The following HPD variants were observed in gnomAD, a reference collection of about 807,000 sequenced individuals.
HPD encodes 4-hydroxyphenylpyruvic acid oxidase.
HPD carries 35 observed loss-of-function variants against 56.9 expected under a neutral mutation model. The ratio of observed to expected loss-of-function variants is 0.62; its 90% CI spans 0.47 to 0.82. The LOEUF (loss-of-function observed/expected upper bound fraction) is 0.82, where lower values mean the gene tolerates loss of function less well. Among genes scored for constraint, HPD ranks in the 40% least tolerant of loss-of-function variants. The probability of loss-of-function intolerance (pLI) is 0.00; values close to 1 mark genes in which losing one functional copy is unlikely to be tolerated. For synonymous variants in HPD, 186 were observed against 200.2 expected, an observed-to-expected ratio of 0.93 and a Z score of 0.60; for missense variants, 442 against 506.8, an observed-to-expected ratio of 0.87 and a Z score of 1.23.
upstream of HPD, among the ~76,000 whole-genome samples, chr12:121,866,026 C>T (rs143656354): frequency 1.6e-4 from 24 of 149,926 alleles, no homozygotes; most frequent in African/African-American, 5.9e-4. Context: ...GGTGGGGCGC[C>T]GTGGCTCACG....
At chr12:121,876,951 G>A in the HPD span, among the ~76,000 whole-genome samples, 2 of 151,820 alleles carry the variant, frequency 1.3e-5, no homozygotes, top group Non-Finnish European at 2.9e-5. Context: ...AAAATTAGCC[G>A]GGCATGGTGG....
chr12:121,885,574 TCTAAGGG>T, the HPD span, among the ~76,000 whole-genome samples: 3 of 152,104 alleles, frequency 2.0e-5, no homozygotes, highest in South Asian at 6.2e-4. Context: ...GGGTACTTTT[TCTAAGGG>T]CACTGTCTTA....
chr12:121,851,021 G>A (rs1456509804), intron 7 of HPD, among the ~76,000 whole-genome samples: 1 of 151,474 alleles, frequency 6.6e-6, no homozygotes, highest in East Asian at 2.0e-4. Context: ...GCACCACCAC[G>A]TCCAGCCAAT....
At position 121,839,694 on chromosome 12, in the gene HPD, T is replaced by A. The variant is rs916535161; in HGVS notation, c.*34A>T. 12 of 1,433,156 alleles carry A rather than the reference T, an allele frequency of 8.4e-6. No homozygotes were observed. In the African/African-American group the frequency reaches 1.5e-4, roughly 18 times the overall value. The allele number at this position is 1,433,156 out of a possible 1,614,324, so 88.8% of individuals were successfully genotyped here. A position where few individuals can be genotyped will look rare whatever the true frequency, so the allele number is the denominator to read the frequency against. Reference sequence around the variant, plus strand: ...GAGTTCCAGAATCAGGGGGCGTGGCTGTGTGGCTGTGGCCTCCGTGGGGTG... The same window carrying A: ...GAGTTCCAGAATCAGGGGGCGTGGCAGTGTGGCTGTGGCCTCCGTGGGGTG... On this transcript the variant is annotated 3_prime_UTR_variant, in exon 14 of 14. Transcript: ENST00000289004.
chr12:121,874,513 G>A, the HPD span, among the ~76,000 whole-genome samples: 18 of 151,928 alleles, frequency 1.2e-4, no homozygotes, highest in Admixed American at 2.6e-4. Context: ...AGCTACTTGG[G>A]AGGCTGAGGC....
chr12:121,855,412 G>T (rs959652917), intron 6 of HPD, among the ~76,000 whole-genome samples: 1 of 152,120 alleles, frequency 6.6e-6, no homozygotes, highest in African/African-American at 2.4e-5. Context: ...GTTTAGAGTT[G>T]TGCTCAAGAA....
chr12:121,854,806 G>A lies in HPD; in HGVS notation c.325-14C>T. Reference sequence around the variant, plus strand: ...TTCCCGTGCTTTCTGCAGAGAAGATGGGATCGGGGAATTGGTGAGGGCTGG... The same window carrying A: ...TTCCCGTGCTTTCTGCAGAGAAGATAGGATCGGGGAATTGGTGAGGGCTGG... On this transcript the variant is annotated splice_polypyrimidine_tract_variant and intron_variant, in intron 6 of 13. Coordinates refer to ENST00000289004, the MANE Select transcript of HPD (RefSeq NM_002150.3). The A allele has an allele frequency of 2.5e-6, 4 of 1,604,146 alleles. No individual in the cohort carries two copies. The highest frequency in any genetic ancestry group is 3.4e-6 in the Non-Finnish European group (4 of 1,171,046).
the HPD span, among the ~76,000 whole-genome samples, chr12:121,875,661 A>C: frequency 2.6e-5 from 4 of 152,128 alleles, no homozygotes; most frequent in African/African-American, 9.6e-5. Flanking sequence ...CTTGGGCTCA[A>C]GTACACTGCC....
At chr12:121,872,495 C>T in the HPD span, among the ~76,000 whole-genome samples, 3 of 151,862 alleles carry the variant, frequency 2.0e-5, no homozygotes, top group Non-Finnish European at 4.4e-5. Flanking sequence ...CCTCCCAAAG[C>T]ATTGGGATTG....
At chr12:121,862,805 G>A (rs1268747817), upstream of HPD, among the ~76,000 whole-genome samples, 1 of 143,974 alleles carries the variant, frequency 6.9e-6, no homozygotes, top group Non-Finnish European at 1.5e-5. Flanking sequence ...CTCAGCCTCC[G>A]GAGTAGCTGG....
intron 9 of HPD, among the ~76,000 whole-genome samples, chr12:121,848,464 G>A (rs1323557894): frequency 6.6e-6 from 1 of 151,746 alleles, no homozygotes; most frequent in Non-Finnish European, 1.5e-5. Flanking sequence ...GGCACACACT[G>A]CCACACCCAG....
the HPD span, among the ~76,000 whole-genome samples, chr12:121,870,646 G>A: frequency 7.0e-6 from 1 of 143,016 alleles, no homozygotes; most frequent in Non-Finnish European, 1.5e-5. Context: ...ACTTAGGTTG[G>A]AGTGCAATGG....
chr12:121,847,139 C>A lies in HPD; in HGVS notation c.672G>T (p.Leu224=). 1 of 1,614,168 alleles carries A rather than the reference C, an allele frequency of 6.2e-7. No homozygotes were observed. The highest frequency in any genetic ancestry group is 8.5e-7 in the Non-Finnish European group (1 of 1,180,020). Residue 224 remains leucine, a synonymous_variant, in exon 10 of 14, where the codon CTG becomes CTT. Coordinates refer to ENST00000289004, the MANE Select transcript of HPD (RefSeq NM_002150.3). The part of the protein sequence containing the change: ...DTQVHTEYSS[L]RSIVVANYEE... Reference sequence around the variant, plus strand: ...CATAGTTGGCCACCACAATGGATCGCAGAGAGCTATATTCCGTGTGCACCT... The same window carrying A: ...CATAGTTGGCCACCACAATGGATCGAAGAGAGCTATATTCCGTGTGCACCT...
chr12:121,864,007 C>T (rs538175362), upstream of HPD, among the ~76,000 whole-genome samples: 16 of 141,670 alleles, frequency 1.1e-4, no homozygotes, highest in Admixed American at 9.1e-4. Context: ...GCAGGCAGAT[C>T]ATTTGAGGTC....
In HPD at chr12:121,857,839, G is replaced by T; in HGVS notation, c.31-20C>A. Reference sequence around the variant, plus strand: ...CTCAGGCTGCAGAAGGAGAGAAGAGGTGAGGTTGAGTCCCTGAAAGTGAGT... The same window carrying T: ...CTCAGGCTGCAGAAGGAGAGAAGAGTTGAGGTTGAGTCCCTGAAAGTGAGT... On this transcript the variant is annotated intron_variant, in intron 2 of 13. Coordinates refer to ENST00000289004, the MANE Select transcript of HPD (RefSeq NM_002150.3). 6.2e-7 allele frequency: 1 copy of T among 1,601,756 alleles called. No individual in the cohort carries two copies. Among genetic ancestry groups the T allele is most frequent in the Non-Finnish European group, 8.6e-7 (1 of 1,168,844 alleles).
intron 7 of HPD, among the ~76,000 whole-genome samples, chr12:121,850,597 C>T (rs1877735046): frequency 6.7e-6 from 1 of 150,156 alleles, no homozygotes. Flanking sequence ...CCTCAGCCTC[C>T]TGAGTAGCTG....
At chr12:121,861,433 A>T (rs1198748709), upstream of HPD, among the ~76,000 whole-genome samples, 1 of 152,030 alleles carries the variant, frequency 6.6e-6, no homozygotes, top group Non-Finnish European at 1.5e-5. Context: ...TGAACCCAGG[A>T]GGTGGAGGTT....
chr12:121,847,350 AT>A, intron 9 of HPD, 136 bp from the exon 10 acceptor site: 1 of 780,268 alleles, frequency 1.3e-6, no homozygotes, highest in Non-Finnish European at 2.2e-6. Context: ...CCCATCAGAG[AT>A]TTAGATCTTT....
chr12:121,851,386 G>C (rs1448170345), intron 7 of HPD, among the ~76,000 whole-genome samples: 1 of 149,686 alleles, frequency 6.7e-6, no homozygotes, highest in African/African-American at 2.5e-5. Flanking sequence ...TCGCTCTGTC[G>C]CCCAGGCTGG....
Sources: gnomAD v4.1 joint callset for allele counts (sites outside exome capture counted in the v4.1 genomes callset) on GRCh38, gnomAD v4.1.1 for gene constraint, MANE v1.5 for transcripts, NCBI Gene and HGNC (gene_info 2026-07-23, HGNC 2026-07-21) for gene names.